Variants in PALD1 observed in about 807,000 individuals in gnomAD.
The protein encoded by PALD1 is phosphatase domain containing paladin 1.
PALD1 carries 57 observed loss-of-function variants against 96.0 expected under a neutral mutation model. The ratio of observed to expected loss-of-function variants is 0.59; its 90% CI spans 0.48 to 0.74. PALD1 has a LOEUF of 0.74. Among genes scored for constraint, PALD1 ranks in the 30% least tolerant of loss-of-function variants. The probability of loss-of-function intolerance (pLI) is 0.00; values close to 1 mark genes in which losing one functional copy is unlikely to be tolerated. For synonymous variants in PALD1, 464 were observed against 473.6 expected, an observed-to-expected ratio of 0.98 and a Z score of 0.26; for missense variants, 1,063 against 1,143.7, an observed-to-expected ratio of 0.93 and a Z score of 1.02.
intron 1 of PALD1, among the ~76,000 whole-genome samples, chr10:70,481,735 T>G (rs1845935333): frequency 6.6e-6 from 1 of 152,212 alleles, no homozygotes; most frequent in Non-Finnish European, 1.5e-5. Flanking sequence ...GCGTCTGTGA[T>G]GAGAGCCACT....
the PALD1 span, among the ~76,000 whole-genome samples, chr10:70,464,385 C>T: frequency 2.2e-3 from 330 of 151,256 alleles, no homozygotes; most frequent in African/African-American, 7.7e-3. Context: ...CTAATTTTTT[C>T]GTATTTTTAG....
chr10:70,506,301 C>T (rs1477515062), intron 1 of PALD1, among the ~76,000 whole-genome samples: 1 of 152,204 alleles, frequency 6.6e-6, no homozygotes, highest in Non-Finnish European at 1.5e-5. Context: ...TACTGAGACT[C>T]TAGCAGTTTC....
chr10:70,567,325 G>A lies in PALD1; in HGVS notation c.*592G>A, dbSNP rs972384882. The A allele has an allele frequency of 1.3e-5, 2 of 152,834 alleles. No homozygotes were observed. Among genetic ancestry groups the A allele is most frequent in the African/African-American group, 4.8e-5 (2 of 41,462 alleles). The allele number at this position is 152,834 out of a possible 1,614,324, so 9.5% of individuals were successfully genotyped here. A position where few individuals can be genotyped will look rare whatever the true frequency, so the allele number is the denominator to read the frequency against. On this transcript the variant is annotated 3_prime_UTR_variant, in exon 20 of 20. Transcript: ENST00000263563. ...TCTGGACTCTCATGCCCCCATCTCC[G>A]ACCTGGGAGACTTCAGGAATGACAA...
At chr10:70,536,282 C>T (rs1847114580) in intron 10 of PALD1, among the ~76,000 whole-genome samples, 1 of 151,980 alleles carries the variant, frequency 6.6e-6, no homozygotes, top group African/African-American at 2.4e-5. Flanking sequence ...GGCTGAGCAA[C>T]AGAGCAAGAC....
chr10:70,491,418 C>CT (rs36018718), intron 1 of PALD1, among the ~76,000 whole-genome samples: 9 of 150,916 alleles, frequency 6.0e-5, no homozygotes, highest in Non-Finnish European at 8.9e-5. Context: ...TCCCCACCTG[C>CT]TTTTTTTTTC....
Position 70,540,228 on chromosome 10 carries a change from G to A in PALD1, c.1908+466G>A, listed in dbSNP as rs1016020998. On this transcript the variant is annotated intron_variant, in intron 15 of 19. Transcript: ENST00000263563. The surrounding 1 kb of genome is among the most constrained non-coding windows in gnomAD (Gnocchi z 4.2). The stretch of plus-strand genomic sequence containing the variant: ...GAGGGTGAACATGTCCAGGGTGTCC[G>A]TGGTGTGTGTGTCTCAGTTGGGGGA... Among the ~76,000 whole-genome samples, 1 of 151,400 alleles carries A rather than the reference G, an allele frequency of 6.6e-6. No homozygotes were observed. The highest frequency in any genetic ancestry group is 1.5e-5 in the Non-Finnish European group (1 of 67,810).
rs1395440936 is a variant in PALD1 at position 70,532,697 on chromosome 10, A to G, written c.710A>G (p.His237Arg). The G allele has an allele frequency of 2.5e-6, 4 of 1,614,176 alleles. No individual in the cohort carries two copies. In the Admixed American group the frequency reaches 6.7e-5, roughly 27 times the overall value. The part of the protein sequence containing the change: ...HNTEDLWGEP[H>R]AVAIHGEDDL... Reference sequence around the variant, plus strand: ...ACCGAGGACCTGTGGGGGGAGCCCCATGCTGTGGCCATCCATGGTGAGGAC... The same window carrying G: ...ACCGAGGACCTGTGGGGGGAGCCCCGTGCTGTGGCCATCCATGGTGAGGAC... The change falls in exon 6 of 20, where the codon CAT becomes CGT. Residue 237 changes from histidine to arginine, a missense_variant. By Grantham distance (29) the His-to-Arg change is conservative (BLOSUM62 0). Transcript: ENST00000263563.
the PALD1 span, among the ~76,000 whole-genome samples, chr10:70,467,501 GGTGAAGGACGTCCTAACACCCCGCACA>G: frequency 6.6e-6 from 1 of 152,112 alleles, no homozygotes; most frequent in South Asian, 2.1e-4. Context: ...TGTGGAGAAG[GGTGAAGGACGTCCTAACACCCCGCACA>G]GTTCGCGGGG....
chr10:70,546,224 G>A (rs923176207), intron 17 of PALD1, among the ~76,000 whole-genome samples: 8 of 152,106 alleles, frequency 5.3e-5, no homozygotes, highest in African/African-American at 1.9e-4. Flanking sequence ...GTGACAGGGC[G>A]AGACTCCATC....
At chr10:70,536,445 A>G (rs1333501539) in intron 10 of PALD1, among the ~76,000 whole-genome samples, 1 of 152,158 alleles carries the variant, frequency 6.6e-6, no homozygotes, top group African/African-American at 2.4e-5. Context: ...CCAGTTCCCC[A>G]TCAGTGTAAA....
intron 1 of PALD1, among the ~76,000 whole-genome samples, chr10:70,506,827 T>C (rs944913847): frequency 4.6e-5 from 7 of 152,130 alleles, no homozygotes; most frequent in Non-Finnish European, 5.9e-5. Flanking sequence ...CTGTCTTCCT[T>C]CTGACCTGAA....
chr10:70,521,920 G>A (rs1210461744), intron 1 of PALD1, among the ~76,000 whole-genome samples: 1 of 151,908 alleles, frequency 6.6e-6, no homozygotes, highest in South Asian at 2.1e-4. Context: ...AAATAGGTGG[G>A]GTTACAAAGG....
the PALD1 span, among the ~76,000 whole-genome samples, chr10:70,460,668 G>C: frequency 6.6e-6 from 1 of 151,846 alleles, no homozygotes; most frequent in Non-Finnish European, 1.5e-5. Flanking sequence ...CTCCACCCTG[G>C]CCCCCCAGAA....
chr10:70,527,853 CAT>C (rs1041894443), intron 2 of PALD1, among the ~76,000 whole-genome samples: 1 of 152,162 alleles, frequency 6.6e-6, no homozygotes, highest in African/African-American at 2.4e-5. Context: ...CATATGCACA[CAT>C]GTGCCATGTT....
intron 18 of PALD1, among the ~76,000 whole-genome samples, chr10:70,556,626 C>T (rs532174480): frequency 1.8e-4 from 27 of 152,210 alleles, no homozygotes; most frequent in African/African-American, 4.6e-4. Flanking sequence ...CTGCTGAGAC[C>T]GCTCATCTCT....
chr10:70,547,292 T>C lies in PALD1; in HGVS notation c.2122-14T>C. The C allele has an allele frequency of 1.2e-6, 2 of 1,613,116 alleles. No individual in the cohort carries two copies. The highest frequency in any genetic ancestry group is 1.7e-6 in the Non-Finnish European group (2 of 1,179,298). On this transcript the variant is annotated splice_polypyrimidine_tract_variant and intron_variant, in intron 17 of 19. Coordinates refer to ENST00000263563, the MANE Select transcript of PALD1 (RefSeq NM_014431.3). ...CCAGTTTTATGTCTGCTCACCCCCC[T>C]TCTCTGGCCCCAGGTAGTAATGAAG...
intron 1 of PALD1, among the ~76,000 whole-genome samples, chr10:70,525,353 G>T (rs370743670): frequency 2.0e-5 from 3 of 152,024 alleles, no homozygotes; most frequent in African/African-American, 7.2e-5. Context: ...TTGGGGCCTG[G>T]TATTTTCTTT....
intron 5 of PALD1, 107 bp from the exon 6 acceptor site, chr10:70,532,514 T>C: frequency 2.7e-6 from 3 of 1,113,540 alleles, no homozygotes; most frequent in Non-Finnish European, 3.9e-6. Flanking sequence ...GGCAGAAGCC[T>C]GCCTGTGGCC....
intron 1 of PALD1, among the ~76,000 whole-genome samples, chr10:70,508,475 T>C (rs1846438867): frequency 2.0e-5 from 3 of 152,200 alleles, no homozygotes; most frequent in Admixed American, 6.5e-5. Flanking sequence ...TGCCACATGC[T>C]GCGCCCTGAG....
Sources: gnomAD v4.1 joint callset for allele counts (sites outside exome capture counted in the v4.1 genomes callset) on GRCh38, gnomAD v4.1.1 for gene constraint, Gnocchi (gnomAD v3.1) non-coding constraint, MANE v1.5 for transcripts, NCBI Gene and HGNC (gene_info 2026-07-23, HGNC 2026-07-21) for gene names.